The following ADGRL3 variants were observed in gnomAD, a reference collection of about 807,000 sequenced individuals.
The protein encoded by ADGRL3 is adhesion G protein-coupled receptor L3.
A neutral mutation model predicts 153.5 loss-of-function variants in ADGRL3; 62 were observed. The ratio of observed to expected loss-of-function variants is 0.40; its 90% CI spans 0.33 to 0.50. The LOEUF (loss-of-function observed/expected upper bound fraction) is 0.50. Among genes scored for constraint, ADGRL3 ranks in the 20% least tolerant of loss-of-function variants. The pLI is 0.47. For synonymous variants in ADGRL3, 710 were observed against 672.5 expected (o/e 1.06, Z -0.86); for missense variants, 1,641 against 1,859.4 (o/e 0.88, Z 2.16).
intron 1 of ADGRL3, among the ~76,000 whole-genome samples, chr4:61,258,691 C>G (rs2092236854): frequency 6.6e-6 from 1 of 152,136 alleles, no homozygotes; most frequent in Non-Finnish European, 1.5e-5. Context: ...AAGGTGTTGT[C>G]TAACCAGTGG....
chr4:61,642,670 A>G (rs1365903276), intron 5 of ADGRL3, among the ~76,000 whole-genome samples: 1 of 152,148 alleles, frequency 6.6e-6, no homozygotes, highest in African/African-American at 2.4e-5. Context: ...TACCAGTACC[A>G]TGCTGTTTTG....
At chr4:61,815,451 C>T (rs767639392) in intron 9 of ADGRL3, among the ~76,000 whole-genome samples, 6 of 152,126 alleles carry the variant, frequency 3.9e-5, no homozygotes, top group Non-Finnish European at 8.8e-5. Context: ...GGAGGCTTTT[C>T]AGCAGTTCAG....
At chr4:61,562,166 T>C (rs2098797749) in intron 4 of ADGRL3, among the ~76,000 whole-genome samples, 1 of 152,170 alleles carries the variant, frequency 6.6e-6, no homozygotes, top group African/African-American at 2.4e-5. Flanking sequence ...AGTAGCATTA[T>C]ATTTATAAAA....
At chr4:61,708,459 TG>T (rs2095894635) in intron 6 of ADGRL3, among the ~76,000 whole-genome samples, 1 of 146,820 alleles carries the variant, frequency 6.8e-6, no homozygotes, top group South Asian at 2.2e-4. Flanking sequence ...TCTAGCTACT[TG>T]TTATTTAAAG....
chr4:61,837,492 A>G (rs904386545), intron 9 of ADGRL3, among the ~76,000 whole-genome samples: 2 of 152,092 alleles, frequency 1.3e-5, no homozygotes, highest in African/African-American at 4.8e-5. Flanking sequence ...ATGTTAGGAA[A>G]GTTTGTGATA....
chr4:61,657,388 C>CTA (rs141551460), intron 5 of ADGRL3, among the ~76,000 whole-genome samples: 31 of 150,518 alleles, frequency 2.1e-4, no homozygotes, highest in South Asian at 4.2e-4. Context: ...ACATATATGT[C>CTA]TATATATATA....
chr4:61,588,871 A>G (rs2098957588), intron 5 of ADGRL3, among the ~76,000 whole-genome samples: 1 of 152,018 alleles, frequency 6.6e-6, no homozygotes, highest in Admixed American at 6.6e-5. Context: ...AGTTAACCAA[A>G]CATAAGATTC....
At chr4:62,066,076 T>G (rs62306382) in intron 25 of ADGRL3, among the ~76,000 whole-genome samples, 4,022 of 152,220 alleles carry the variant, frequency 0.026, 81 homozygotes, top group Middle Eastern at 0.048. Context: ...TGTACACTAT[T>G]TAATGTTTTG....
intron 11 of ADGRL3, among the ~76,000 whole-genome samples, chr4:61,907,764 TTAAA>T (rs1366727388): frequency 6.6e-6 from 1 of 152,150 alleles, no homozygotes; most frequent in East Asian, 1.9e-4. Flanking sequence ...ATTATTATCT[TTAAA>T]GAAAAATTAG....
intron 1 of ADGRL3, among the ~76,000 whole-genome samples, chr4:61,381,149 A>G (rs549080227): frequency 4.6e-5 from 7 of 152,124 alleles, no homozygotes; most frequent in Admixed American, 2.0e-4. Flanking sequence ...TGTAAATGGA[A>G]GACTCTCTGT....
At chr4:61,920,204 A>G (rs1405776795) in intron 13 of ADGRL3, among the ~76,000 whole-genome samples, 2 of 152,236 alleles carry the variant, frequency 1.3e-5, no homozygotes, top group African/African-American at 4.8e-5. Flanking sequence ...CAAATGCAAG[A>G]GAATACACAT....
chr4:61,583,834 G>C (rs1298448943), intron 4 of ADGRL3: 1 of 482,656 alleles, frequency 2.1e-6, no homozygotes, highest in East Asian at 5.5e-5. Flanking sequence ...TTACCTCATG[G>C]AATAAAAGTG....
At chr4:61,913,391 T>C (rs1269196108) in intron 13 of ADGRL3, among the ~76,000 whole-genome samples, 1 of 152,172 alleles carries the variant, frequency 6.6e-6, no homozygotes. Context: ...TCTCTAGTTT[T>C]TTGTTTTGTT....
intron 15 of ADGRL3, among the ~76,000 whole-genome samples, chr4:61,938,862 CA>C (rs71213019): frequency 0.047 from 3,328 of 71,494 alleles, 100 homozygotes; most frequent in African/African-American, 0.15. Flanking sequence ...CCCTCCTCCT[CA>C]AAAAAAAAAA....
At chr4:61,752,192 A>C (rs1038498918) in intron 8 of ADGRL3, among the ~76,000 whole-genome samples, 4 of 152,202 alleles carry the variant, frequency 2.6e-5, no homozygotes, top group Admixed American at 6.5e-5. Context: ...CCAAAAACAG[A>C]TTAACAAGAA....
chr4:61,622,948 AC>A (rs2149865956), intron 5 of ADGRL3, among the ~76,000 whole-genome samples: 1 of 152,232 alleles, frequency 6.6e-6, no homozygotes, highest in South Asian at 2.1e-4. Flanking sequence ...AAATGAGAAA[AC>A]CACCTATTTC....
At chr4:61,422,612 A>T (rs2097219682) in intron 2 of ADGRL3, among the ~76,000 whole-genome samples, 1 of 152,130 alleles carries the variant, frequency 6.6e-6, no homozygotes, top group Non-Finnish European at 1.5e-5. Context: ...AGAATAGACA[A>T]ATAAGCATTT....
chr4:61,716,341 T>C (rs1227696130), intron 6 of ADGRL3, among the ~76,000 whole-genome samples: 7 of 152,224 alleles, frequency 4.6e-5, no homozygotes, highest in South Asian at 4.1e-4. Flanking sequence ...TCAACTGCCA[T>C]TTATTAACAT....
chr4:61,465,606 A>G (rs1409008565), intron 2 of ADGRL3, among the ~76,000 whole-genome samples: 1 of 151,304 alleles, frequency 6.6e-6, no homozygotes, highest in East Asian at 1.9e-4. Flanking sequence ...AAAATATGCA[A>G]TAATTACTAG....
Sources: allele counts gnomAD v4.1 joint callset (sites outside exome capture counted in the v4.1 genomes callset), GRCh38; gene constraint gnomAD v4.1.1; transcripts MANE v1.5; gene names NCBI Gene and HGNC (gene_info 2026-07-23, HGNC 2026-07-21).